The following KLHL42 variants were observed in gnomAD, a reference collection of about 807,000 sequenced individuals.
KLHL42 encodes kelch like family member 42.
KLHL42 carries 27 observed loss-of-function variants against 32.7 expected under a neutral mutation model. The ratio of observed to expected loss-of-function variants is 0.83; its 90% CI spans 0.61 to 1.14. The LOEUF (loss-of-function observed/expected upper bound fraction) is 1.14, where lower values mean the gene tolerates loss of function less well. Ranked by LOEUF, KLHL42 falls within the 50% of genes most tolerant of loss-of-function variation. The pLI, the probability that KLHL42 is intolerant of heterozygous loss-of-function variation, is 0.00. For missense variants in KLHL42, 491 were observed against 560.8 expected (o/e 0.88, Z 1.26); for synonymous variants, 267 against 248.2 (o/e 1.08, Z -0.71).
rs898925484 is a variant in KLHL42 at position 27,801,549 on chromosome 12, T to A, written c.*3383T>A. 1.3e-5 allele frequency: 2 copies of A among 152,212 alleles called. No individual in the cohort carries two copies. Among genetic ancestry groups the A allele is most frequent in the African/African-American group, 4.8e-5 (2 of 41,450 alleles). The allele number at this position is 152,212 out of a possible 1,614,324, so 9.4% of individuals were successfully genotyped here. A position where few individuals can be genotyped will look rare whatever the true frequency, so the allele number is the denominator to read the frequency against. On this transcript the variant is annotated 3_prime_UTR_variant, in exon 3 of 3. Transcript: ENST00000381271. ...AATATAAGTAGGTGTTGGATGCCTT[T>A]TTCCTAGACCAGGAATGGGGAATAT...
intron 1 of KLHL42, among the ~76,000 whole-genome samples, chr12:27,787,021 G>A (rs574285805): frequency 7.9e-5 from 12 of 151,538 alleles, no homozygotes; most frequent in African/African-American, 1.5e-4. Flanking sequence ...CACCGCGCCC[G>A]GCCAATTGAG....
chr12:27,800,214 G>A lies in KLHL42; in HGVS notation c.*2048G>A. 9 of 985,348 alleles carry A rather than the reference G, an allele frequency of 9.1e-6. No individual in the cohort carries two copies. Among genetic ancestry groups the A allele is most frequent in the Non-Finnish European group, 1.1e-5 (9 of 829,908 alleles). The allele number at this position is 985,348 out of a possible 1,614,324, so 61.0% of individuals were successfully genotyped here. Reference sequence around the variant, plus strand: ...TCAAATACAATATTCCAGCCAACCAGTTAATTCTCTTCCTGGTTACATTCA... The same window carrying A: ...TCAAATACAATATTCCAGCCAACCAATTAATTCTCTTCCTGGTTACATTCA... On this transcript the variant is annotated 3_prime_UTR_variant, in exon 3 of 3. Coordinates refer to ENST00000381271, the MANE Select transcript of KLHL42 (RefSeq NM_020782.2).
chr12:27,790,910 G>C (rs996289444), intron 1 of KLHL42, among the ~76,000 whole-genome samples: 2 of 152,116 alleles, frequency 1.3e-5, no homozygotes, highest in African/African-American at 4.8e-5. Context: ...AATTAGCTGA[G>C]TATAGCTGAA....
At chr12:27,789,175 T>C (rs2062185821) in intron 1 of KLHL42, among the ~76,000 whole-genome samples, 1 of 152,194 alleles carries the variant, frequency 6.6e-6, no homozygotes, top group Non-Finnish European at 1.5e-5. Flanking sequence ...GAGAAAGACT[T>C]ATCTCTGCAA....
rs1434169141 is a variant in KLHL42 at position 27,791,802 on chromosome 12, G to A, written c.967G>A (p.Ala323Thr). 6.2e-7 allele frequency: 1 copy of A among 1,614,100 alleles called. No homozygotes were observed. The highest frequency in any genetic ancestry group is 8.5e-7 in the Non-Finnish European group (1 of 1,180,036). ...TGAGTGTTACAACCCCGAGCAGGAT[G>A]CGTGGAATTTTGTGGCGCCCTTACC... ...NVECYNPEQD[A>T]WNFVAPLPNP... Residue 323 changes from alanine (A) to threonine (T), a missense_variant, in exon 2 of 3, where the codon GCG becomes ACG. Physicochemically the swap from Ala to Thr is moderately conservative, Grantham distance 58 (BLOSUM62 0). Transcript: ENST00000381271.
At chr12:27,797,124 TA>T (rs962657525) in intron 2 of KLHL42, 18 of 362,064 alleles carry the variant, frequency 5.0e-5, no homozygotes, top group Middle Eastern at 6.8e-4. Context: ...ATCCTGTCTT[TA>T]AAAAAAAACA....
At chr12:27,783,621 G>A (rs895022581) in intron 1 of KLHL42, among the ~76,000 whole-genome samples, 1 of 151,540 alleles carries the variant, frequency 6.6e-6, no homozygotes, top group African/African-American at 2.4e-5. Context: ...TCGCTCTGTC[G>A]CCCAGGCTGG....
intron 1 of KLHL42, among the ~76,000 whole-genome samples, chr12:27,782,349 T>C (rs1340310430): frequency 6.6e-6 from 1 of 152,176 alleles, no homozygotes; most frequent in East Asian, 1.9e-4. Context: ...TAATACATAG[T>C]TACAGAAAAC....
intron 1 of KLHL42, among the ~76,000 whole-genome samples, chr12:27,787,303 T>C (rs1222173234): frequency 6.6e-6 from 1 of 151,812 alleles, no homozygotes; most frequent in Non-Finnish European, 1.5e-5. Flanking sequence ...GAGACCAGCC[T>C]GGCCAACGTG....
intron 1 of KLHL42, among the ~76,000 whole-genome samples, chr12:27,786,491 G>A (rs1356496488): frequency 2.0e-5 from 3 of 152,192 alleles, no homozygotes; most frequent in African/African-American, 7.2e-5. Context: ...TACAGGTTAT[G>A]CATGCACTGG....
In KLHL42 at chr12:27,782,775, A is replaced by G. The variant is rs562290298; in HGVS notation, c.872+1573A>G. ...CCCTTTTCATCCCCTTAAAAAAAAA[A>G]AAAGCATTCAAGTAATGCATGAATG... On this transcript the variant is annotated intron_variant, in intron 1 of 2. Transcript: ENST00000381271. Among the ~76,000 whole-genome samples, 31 of 152,320 alleles carry G rather than the reference A, an allele frequency of 2.0e-4. No homozygotes were observed. The South Asian group carries it at 6.2e-3, about 31-fold the overall frequency.
rs2062237717 is a variant in KLHL42, at chr12:27,800,092, C to G, written c.*1926C>G. 1 of 984,066 alleles carries G rather than the reference C, an allele frequency of 1.0e-6. No individual in the cohort carries two copies. The highest frequency in any genetic ancestry group is 1.7e-5 in the African/African-American group (1 of 57,160). The allele number at this position is 984,066 out of a possible 1,614,324, so 61.0% of individuals were successfully genotyped here. A position where few individuals can be genotyped will look rare whatever the true frequency, so the allele number is the denominator to read the frequency against. ...AACTTTTCGTTGCTGAAGAGCTTAACTTTTTAAAGGCTTTGTCCTATACAT... is the reference window on the plus strand; with the variant it reads ...AACTTTTCGTTGCTGAAGAGCTTAAGTTTTTAAAGGCTTTGTCCTATACAT... On this transcript the variant is annotated 3_prime_UTR_variant, in exon 3 of 3. Coordinates refer to ENST00000381271, the MANE Select transcript of KLHL42 (RefSeq NM_020782.2).
In KLHL42 at chr12:27,800,157, T is replaced by C. The variant is rs2062238037; in HGVS notation, c.*1991T>C. The C allele has an allele frequency of 3.0e-6, 3 of 985,228 alleles. No homozygotes were observed. The highest frequency in any genetic ancestry group is 1.7e-5 in the African/African-American group (1 of 57,238). 61.0% of individuals were successfully genotyped at this position (985,228 alleles called of 1,614,324 possible). A position where few individuals can be genotyped will look rare whatever the true frequency, so the allele number is the denominator to read the frequency against. On this transcript the variant is annotated 3_prime_UTR_variant, in exon 3 of 3. Coordinates refer to ENST00000381271, the MANE Select transcript of KLHL42 (RefSeq NM_020782.2). ...AGTTGAATTAGTACTGGACAAACAG[T>C]TGGAGATTAGTTTGCAAATAAGCAT...
In KLHL42 at chr12:27,802,915, A is replaced by G. The variant is rs75785061; in HGVS notation, c.*4749A>G. ...AAGTCTTCAATTTCAAGTCTAGCTTAAAAGTGTAAACATTATGTGATTCAT... is the reference window on the plus strand; with the variant it reads ...AAGTCTTCAATTTCAAGTCTAGCTTGAAAGTGTAAACATTATGTGATTCAT... On this transcript the variant is annotated 3_prime_UTR_variant, in exon 3 of 3. Coordinates refer to ENST00000381271, the MANE Select transcript of KLHL42 (RefSeq NM_020782.2). 6.6e-6 allele frequency: 1 copy of G among 152,244 alleles called. No homozygotes were observed. The highest frequency in any genetic ancestry group is 2.4e-5 in the African/African-American group (1 of 41,442). 9.4% of individuals were successfully genotyped at this position (152,244 alleles called of 1,614,324 possible).
chr12:27,801,811 G>C lies in KLHL42; in HGVS notation c.*3645G>C, dbSNP rs1037555763. Reference sequence around the variant, plus strand: ...ACTTTGAAAGCAGTGAGCTGATTGAGCTCCAGTTCTGTGGTTACCAGAAAT... The same window carrying C: ...ACTTTGAAAGCAGTGAGCTGATTGACCTCCAGTTCTGTGGTTACCAGAAAT... On this transcript the variant is annotated 3_prime_UTR_variant, in exon 3 of 3. Transcript: ENST00000381271. 2.6e-5 allele frequency: 4 copies of C among 152,234 alleles called. No individual in the cohort carries two copies. The highest frequency in any genetic ancestry group is 9.7e-5 in the African/African-American group (4 of 41,448). The allele number at this position is 152,234 out of a possible 1,614,324, so 9.4% of individuals were successfully genotyped here.
chr12:27,795,671 A>C (rs560176316), intron 2 of KLHL42, among the ~76,000 whole-genome samples: 27 of 152,330 alleles, frequency 1.8e-4, no homozygotes, highest in African/African-American at 6.3e-4. Context: ...TTCTTAAGTC[A>C]AGTGAGACTT....
At chr12:27,793,500 C>T (rs1302264535) in intron 2 of KLHL42, among the ~76,000 whole-genome samples, 3 of 151,676 alleles carry the variant, frequency 2.0e-5, no homozygotes, top group Non-Finnish European at 4.4e-5. Context: ...TATGACTGCT[C>T]CCCTGCACCC....
chr12:27,791,788 A>G lies in KLHL42; in HGVS notation c.953A>G (p.Asn318Ser), dbSNP rs2062198142. Residue 318 changes from asparagine to serine, a missense_variant, in exon 2 of 3, where the codon AAC becomes AGC. Transcript: ENST00000381271. ...GCCGTTTCTAACGTTGAGTGTTACA[A>G]CCCCGAGCAGGATGCGTGGAATTTT... ...GQAVSNVECY[N>S]PEQDAWNFVA... The G allele has an allele frequency of 1.2e-6, 2 of 1,613,978 alleles. No individual in the cohort carries two copies. The highest frequency in any genetic ancestry group is 2.7e-5 in the African/African-American group (2 of 74,866).
Position 27,797,901 on chromosome 12 carries a change from T to C in KLHL42, c.1253T>C (p.Val418Ala). ...AGCCAGAGCGAGGACATGCTCACCG[T>C]GCAGTCCTACAACACCGTCACCCGC... ...RSSQSEDMLTVQSYNTVTRQW... is the reference protein window; with the variant it reads ...RSSQSEDMLTAQSYNTVTRQW... Residue 418 changes from valine to alanine, a missense_variant, in exon 3 of 3, where the codon GTG becomes GCG. Transcript: ENST00000381271. The C allele has an allele frequency of 1.3e-6, 1 of 780,912 alleles. No homozygotes were observed. The highest frequency in any genetic ancestry group is 1.3e-5 in the South Asian group (1 of 74,614). 48.4% of individuals were successfully genotyped at this position (780,912 alleles called of 1,614,324 possible).
Sources: allele counts gnomAD v4.1 joint callset (sites outside exome capture counted in the v4.1 genomes callset), GRCh38; gene constraint gnomAD v4.1.1; transcripts MANE v1.5; gene names NCBI Gene and HGNC (gene_info 2026-07-23, HGNC 2026-07-21).